Variants in ZNF814 observed in about 807,000 individuals in gnomAD.
ZNF814 encodes the protein zinc finger protein 814.
A neutral mutation model predicts 7.5 loss-of-function variants in ZNF814; 5 were observed. The observed-to-expected ratio is 0.67, with a 90% CI of 0.35 to 1.40. The LOEUF (loss-of-function observed/expected upper bound fraction) is 1.40. Among genes scored for constraint, ZNF814 ranks in the 40% most tolerant of loss-of-function variants. The pLI is 0.04. For synonymous variants in ZNF814, 315 were observed against 340.7 expected (o/e 0.92, Z 0.83); for missense variants, 962 against 1,018.0 (o/e 0.94, Z 0.75).
chr19:57,895,473 A>G, the ZNF814 span, among the ~76,000 whole-genome samples: 5 of 151,678 alleles, frequency 3.3e-5, no homozygotes, highest in East Asian at 7.8e-4. Context: ...ATGGGTTTTC[A>G]CCATGTTGGC....
At chr19:57,901,683 A>G in the ZNF814 span, 4 of 317,282 alleles carry the variant, frequency 1.3e-5, no homozygotes, top group Non-Finnish European at 2.0e-5. Context: ...CATGGGGACA[A>G]ATCAGGAAAC....
chr19:57,875,983 T>C (rs555160789), intron 2 of ZNF814, among the ~76,000 whole-genome samples: 1 of 121,902 alleles, frequency 8.2e-6, no homozygotes, highest in Non-Finnish European at 1.7e-5. Context: ...TTTTTTGAGA[T>C]GGAGTCTCGC....
the ZNF814 span, among the ~76,000 whole-genome samples, chr19:57,896,134 G>A: frequency 2.7e-5 from 4 of 146,514 alleles, no homozygotes; most frequent in East Asian, 8.0e-4. This position sits in a 1 kb window ranked among gnomAD's most constrained non-coding sequence, Gnocchi z 4.2. Flanking sequence ...GGGCACGAGA[G>A]CCTTTGAGCG....
In ZNF814 at chr19:57,872,952, G is replaced by A. The variant is rs1357853604; in HGVS notation, c.2438C>T (p.Ser813Phe). Residue 813 changes from serine (S) to phenylalanine (F), a missense_variant, in exon 3 of 3, where the codon TCC (serine) becomes TTC (phenylalanine). Around this residue, in one of 7 missense-constraint regions of ZNF814, gnomAD observed 665 missense variants for 551.4 expected, o/e 1.21. Transcript: ENST00000435989. Reference sequence around the variant, plus strand: ...AACTCTCTTGTGTTTAGTGAGACTGGAGCTTTCAGCAAAAGATTTTCCACA... The same window carrying A: ...AACTCTCTTGTGTTTAGTGAGACTGAAGCTTTCAGCAAAAGATTTTCCACA... ...SECGKSFAES[S>F]SLTKHKRVHT... 10 of 1,613,222 alleles carry A rather than the reference G, an allele frequency of 6.2e-6. No homozygotes were observed. In the Admixed American group the frequency reaches 1.0e-4, roughly 16 times the overall value.
the ZNF814 span, among the ~76,000 whole-genome samples, chr19:57,895,478 G>A: frequency 6.6e-6 from 1 of 151,942 alleles, no homozygotes; most frequent in East Asian, 1.9e-4. Context: ...TTTTCACCAT[G>A]TTGGCCAGGC....
intron 1 of ZNF814, among the ~76,000 whole-genome samples, chr19:57,883,334 TG>T (rs1181860740): frequency 3.6e-5 from 5 of 137,876 alleles, no homozygotes; most frequent in East Asian, 2.1e-4. Flanking sequence ...CACTCTAGCC[TG>T]GGCGACAGCG....
chr19:57,901,637 A>G, the ZNF814 span: 7 of 398,720 alleles, frequency 1.8e-5, no homozygotes, highest in Non-Finnish European at 2.2e-5. Flanking sequence ...GAGACAAAGG[A>G]AAAGACCAAG....
intron 1 of ZNF814, among the ~76,000 whole-genome samples, chr19:57,883,091 G>A (rs1394922562): frequency 1.3e-5 from 2 of 151,822 alleles, no homozygotes; most frequent in African/African-American, 2.4e-5. Flanking sequence ...GGGTGTGGTG[G>A]CTCACACCTG....
chr19:57,904,218 G>C, the ZNF814 span, among the ~76,000 whole-genome samples: 1 of 152,110 alleles, frequency 6.6e-6, no homozygotes, highest in Admixed American at 6.6e-5. Flanking sequence ...TCACAGCTAC[G>C]CTTGATGCAC....
rs1036441543 is a variant in ZNF814 at position 57,885,627 on chromosome 19, C to G, written c.36+3140G>C. 4.1e-5 allele frequency among the ~76,000 whole-genome samples: 3 copies of G among 73,086 alleles called. No homozygotes were observed. In the South Asian group the frequency reaches 1.4e-3, roughly 35 times the overall value. The allele number at this position is 73,086 out of a possible 152,430, so 47.9% of individuals were successfully genotyped here. A position where few individuals can be genotyped will look rare whatever the true frequency, so the allele number is the denominator to read the frequency against. The stretch of plus-strand genomic sequence containing the variant: ...CCTGGACAACAGAGTAAGACTGTGT[C>G]TCAAAAAAAAAAAAAACAAAAAACA... On this transcript the variant is annotated intron_variant, in intron 1 of 2. Transcript: ENST00000435989.
At position 57,876,985 on chromosome 19, in the gene ZNF814, G is replaced by A. The variant is rs2071612063; in HGVS notation, c.94C>T (p.Leu32Phe). ...VNFTWEEWNL[L>F]SEAQRCLYRD... ...TACAGGCATCTCTGAGCCTCACTAA[G>A]GAGATTCCATTCCTCCCAGGTAAAG... Residue 32 changes from leucine (L) to phenylalanine (F), a missense_variant, in exon 2 of 3, where the codon CTT (leucine) becomes TTT (phenylalanine). By Grantham distance (22) the Leu-to-Phe change is conservative (BLOSUM62 0). Transcript: ENST00000435989. 1.2e-6 allele frequency: 2 copies of A among 1,614,098 alleles called. No individual in the cohort carries two copies. Among genetic ancestry groups the A allele is most frequent in the Non-Finnish European group, 1.7e-6 (2 of 1,180,004 alleles).
At chr19:57,892,969 G>A (rs1323708056), upstream of ZNF814, among the ~76,000 whole-genome samples, 1 of 152,176 alleles carries the variant, frequency 6.6e-6, no homozygotes, top group Non-Finnish European at 1.5e-5. Context: ...AGGCGGAGCC[G>A]AGTGGCTAAT....
At chr19:57,900,865 T>TTTTTTTTTTTTTTTTTTG in the ZNF814 span, among the ~76,000 whole-genome samples, 1 of 103,142 alleles carries the variant, frequency 9.7e-6, no homozygotes, top group East Asian at 2.9e-4. Flanking sequence ...TTTTTTTTTT[T>TTTTTTTTTTTTTTTTTTG]GAGACGGAGT....
In ZNF814 at chr19:57,870,131, T is replaced by A. The variant is rs1260718311; in HGVS notation, c.*2691A>T. On this transcript the variant is annotated 3_prime_UTR_variant, in exon 3 of 3. Transcript: ENST00000435989. ...GGCGGGCACCTGTAGTCCCAGCTAC[T>A]TGGGAGGCTGAGGCAGAAGAATGGT... is the stretch of plus-strand genomic sequence containing the variant. 1.3e-5 allele frequency: 2 copies of A among 150,428 alleles called. No individual in the cohort carries two copies. Among genetic ancestry groups the A allele is most frequent in the African/African-American group, 4.9e-5 (2 of 40,730 alleles). The allele number at this position is 150,428 out of a possible 1,614,324, so 9.3% of individuals were successfully genotyped here. A position where few individuals can be genotyped will look rare whatever the true frequency, so the allele number is the denominator to read the frequency against.
rs759221149 is a variant in ZNF814 at position 57,873,644 on chromosome 19, C to A, written c.1746G>T (p.Gly582=). 1 of 1,614,026 alleles carries A rather than the reference C, an allele frequency of 6.2e-7. No homozygotes were observed. The highest frequency in any genetic ancestry group is 1.7e-5 in the Admixed American group (1 of 60,010). ...RERSYGCGEC[G]KSFSSIGHLR... ...GGTGCCCGATTGAACTAAAAGATTT[C>A]CCACATTCTCCACACCCATAAGATC... The change falls in exon 3 of 3, where the codon GGG becomes GGT. Residue 582 remains glycine, a synonymous_variant. Transcript: ENST00000435989.
intron 2 of ZNF814, chr19:57,876,486 T>A (rs2071608611): frequency 4.6e-6 from 1 of 218,398 alleles, no homozygotes; most frequent in Non-Finnish European, 9.0e-6. Context: ...AACTGAGTAT[T>A]TCAAGGAGAA....
chr19:57,877,248 C>A (rs148642523), intron 1 of ZNF814, among the ~76,000 whole-genome samples: 5 of 151,998 alleles, frequency 3.3e-5, no homozygotes, highest in Non-Finnish European at 5.9e-5. Flanking sequence ...AAGAGTCCAC[C>A]CCCTCCTGAC....
rs746802659 is a variant in ZNF814 at position 57,873,855 on chromosome 19, C to T, written c.1535G>A (p.Arg512Gln). 4.0e-5 allele frequency: 65 copies of T among 1,613,994 alleles called. No individual in the cohort carries two copies. Among genetic ancestry groups the T allele is most frequent in the South Asian group, 5.5e-5 (5 of 91,060 alleles). ...SQKGNLVLHQ[R>Q]VHTGARPYEC... ...ATAAGGTCTTGCTCCAGTGTGAACT[C>T]GCTGGTGTAGAACGAGGTTGCCCTT... is the stretch of plus-strand genomic sequence containing the variant. The change falls in exon 3 of 3, where the codon CGA becomes CAA. Residue 512 changes from arginine (R) to glutamine (Q), a missense_variant. Transcript: ENST00000435989.
upstream of ZNF814, among the ~76,000 whole-genome samples, chr19:57,890,560 G>A (rs1012088903): frequency 2.0e-5 from 3 of 152,108 alleles, no homozygotes; most frequent in African/African-American, 2.4e-5. Flanking sequence ...TTGTTCTCTT[G>A]TGCTGAGTGG....
Sources: allele counts gnomAD v4.1 joint callset (sites outside exome capture counted in the v4.1 genomes callset), GRCh38; gene constraint gnomAD v4.1.1; regional missense constraint gnomAD v4.1.1; non-coding constraint Gnocchi (gnomAD v3.1); transcripts MANE v1.5; gene names NCBI Gene and HGNC (gene_info 2026-07-23, HGNC 2026-07-21).